SPTLC2: variants seen among roughly 807,000 people sequenced by gnomAD.
The protein encoded by SPTLC2 is serine palmitoyltransferase 2.
A neutral mutation model predicts 62.0 loss-of-function variants in SPTLC2; 21 were observed. The ratio of observed to expected loss-of-function variants is 0.34; its 90% CI spans 0.24 to 0.49. SPTLC2 has a LOEUF of 0.49. Ranked by LOEUF, SPTLC2 falls within the 20% of genes least tolerant of loss-of-function variation. SPTLC2 has a pLI of 0.99. For synonymous variants in SPTLC2, 261 were observed against 261.8 expected (o/e 1.00, Z 0.03); for missense variants, 511 against 713.0 (o/e 0.72, Z 3.23).
At chr14:77,536,455 G>A (rs1435969197) in intron 9 of SPTLC2, among the ~76,000 whole-genome samples, 2 of 151,328 alleles carry the variant, frequency 1.3e-5, no homozygotes, top group Non-Finnish European at 2.9e-5. Context: ...TATATATCAC[G>A]TGCCATAAAA....
At chr14:77,522,838 CA>C (rs1346802951) in intron 9 of SPTLC2, among the ~76,000 whole-genome samples, 1 of 152,168 alleles carries the variant, frequency 6.6e-6, no homozygotes, top group African/African-American at 2.4e-5. Flanking sequence ...AAGCATGATA[CA>C]TGACATAAGT....
At chr14:77,580,016 T>G (rs970734253) in intron 2 of SPTLC2, among the ~76,000 whole-genome samples, 2 of 151,924 alleles carry the variant, frequency 1.3e-5, no homozygotes, top group African/African-American at 4.8e-5. Context: ...CCCACAAGCC[T>G]CCTCCCACAT....
chr14:77,588,620 T>C (rs535473750), intron 2 of SPTLC2, among the ~76,000 whole-genome samples: 1 of 149,460 alleles, frequency 6.7e-6, no homozygotes, highest in Non-Finnish European at 1.5e-5. Flanking sequence ...CACTGGAGCG[T>C]GGGAGGCAAA....
intron 6 of SPTLC2, among the ~76,000 whole-genome samples, chr14:77,557,832 T>C (rs2079593142): frequency 6.6e-6 from 1 of 152,182 alleles, no homozygotes; most frequent in Non-Finnish European, 1.5e-5. Context: ...TTATGGTGGT[T>C]AATGGGCCTG....
In SPTLC2 at chr14:77,509,858, C is replaced by A. The variant is rs1322577670; in HGVS notation, c.*2426G>T. On this transcript the variant is annotated 3_prime_UTR_variant, in exon 12 of 12. Transcript: ENST00000216484. ...AAACTTGTAACAAAATTACACTTAT[C>A]TTGAAATAACTTTGTACCAACAAAG... 1 of 398,362 alleles carries A rather than the reference C, an allele frequency of 2.5e-6. No individual in the cohort carries two copies. The highest frequency in any genetic ancestry group is 4.4e-6 in the Non-Finnish European group (1 of 225,934). 24.7% of individuals were successfully genotyped at this position (398,362 alleles called of 1,614,324 possible).
At chr14:77,595,850 A>T (rs2079844043) in intron 2 of SPTLC2, among the ~76,000 whole-genome samples, 1 of 152,148 alleles carries the variant, frequency 6.6e-6, no homozygotes, top group African/African-American at 2.4e-5. Flanking sequence ...GTCCTTCTCT[A>T]ATCTGGTACA....
At chr14:77,605,786 A>T (rs1268861155) in intron 1 of SPTLC2, among the ~76,000 whole-genome samples, 1 of 152,180 alleles carries the variant, frequency 6.6e-6, no homozygotes, top group Admixed American at 6.5e-5. Context: ...GAACTAGAAA[A>T]CCAAAGTGAA....
rs141294295 is a variant in SPTLC2 at position 77,575,286 on chromosome 14, C to A, written c.631+1481G>T. Among the ~76,000 whole-genome samples the A allele has an allele frequency of 2.5e-3, 376 of 152,236 alleles. 1 individual carries two copies. Among genetic ancestry groups the A allele is most frequent in the African/African-American group, 8.5e-3 (352 of 41,542 alleles). ...AAATAAATAGATATAAAAATCTGCA[C>A]AATTTTATTTTTTTCCCTGTCTTCA... is the stretch of plus-strand genomic sequence containing the variant. On this transcript the variant is annotated intron_variant, in intron 4 of 11. Transcript: ENST00000216484.
intron 11 of SPTLC2, among the ~76,000 whole-genome samples, chr14:77,515,044 G>A (rs2079351821): frequency 6.6e-6 from 1 of 152,140 alleles, no homozygotes; most frequent in African/African-American, 2.4e-5. Context: ...GACTGGTCTT[G>A]GCTCCCTTGT....
At chr14:77,609,720 T>A (rs1317903109) in intron 1 of SPTLC2, among the ~76,000 whole-genome samples, 1 of 151,608 alleles carries the variant, frequency 6.6e-6, no homozygotes, top group Admixed American at 6.6e-5. Flanking sequence ...GGAGTGAGAC[T>A]CTGTCTCAAA....
chr14:77,569,158 T>C (rs2079663446), intron 5 of SPTLC2, among the ~76,000 whole-genome samples: 2 of 152,254 alleles, frequency 1.3e-5, no homozygotes, highest in Admixed American at 6.5e-5. Context: ...GAAATCTTTG[T>C]TTATATTAAT....
chr14:77,548,037 C>A (rs1169370681), intron 9 of SPTLC2, among the ~76,000 whole-genome samples: 2 of 152,048 alleles, frequency 1.3e-5, no homozygotes, highest in Non-Finnish European at 2.9e-5. Flanking sequence ...TCAATCTGCT[C>A]AGGGTAGTCT....
intron 1 of SPTLC2, among the ~76,000 whole-genome samples, chr14:77,615,874 G>A (rs1402956723): frequency 1.3e-5 from 2 of 152,306 alleles, no homozygotes; most frequent in Admixed American, 1.3e-4. Context: ...TGATGCTTTC[G>A]AGGGACCAGC....
intron 9 of SPTLC2, among the ~76,000 whole-genome samples, chr14:77,537,977 C>T (rs2079479632): frequency 6.6e-6 from 1 of 152,166 alleles, no homozygotes. Context: ...ATGAAATGAA[C>T]GACTATCTTA....
chr14:77,549,538 A>C (rs1202908525), intron 9 of SPTLC2, among the ~76,000 whole-genome samples: 1 of 152,148 alleles, frequency 6.6e-6, no homozygotes, highest in Non-Finnish European at 1.5e-5. Context: ...TGTGAGTGGA[A>C]AAGCTTCCAG....
intron 5 of SPTLC2, among the ~76,000 whole-genome samples, chr14:77,565,407 G>A (rs955158128): frequency 7.2e-5 from 11 of 152,160 alleles, no homozygotes; most frequent in Non-Finnish European, 1.6e-4. Context: ...GAGAAAAGCA[G>A]TAAGTTGGTA....
At chr14:77,566,739 C>A (rs547924160) in intron 5 of SPTLC2, among the ~76,000 whole-genome samples, 3 of 152,252 alleles carry the variant, frequency 2.0e-5, no homozygotes, top group African/African-American at 7.2e-5. Context: ...GGATTACAGG[C>A]GTGAGCCACC....
rs1239446611 is a variant in SPTLC2 at position 77,509,156 on chromosome 14, G to C, written c.*3128C>G. 6.6e-6 allele frequency: 1 copy of C among 152,116 alleles called. No homozygotes were observed. Among genetic ancestry groups the C allele is most frequent in the Non-Finnish European group, 1.5e-5 (1 of 68,028 alleles). The allele number at this position is 152,116 out of a possible 1,614,324, so 9.4% of individuals were successfully genotyped here. On this transcript the variant is annotated 3_prime_UTR_variant, in exon 12 of 12. Coordinates refer to ENST00000216484, the MANE Select transcript of SPTLC2 (RefSeq NM_004863.4). Reference sequence around the variant, plus strand: ...TTTACGATAGTGACTAAAGCACTACGATGGCTGGATTCTTCAAACAAATAA... The same window carrying C: ...TTTACGATAGTGACTAAAGCACTACCATGGCTGGATTCTTCAAACAAATAA...
chr14:77,516,906 A>G (rs1278864369), intron 11 of SPTLC2, among the ~76,000 whole-genome samples: 7 of 152,248 alleles, frequency 4.6e-5, no homozygotes, highest in Admixed American at 1.3e-4. Context: ...ATGTCCATCA[A>G]ATTGTTATAA....
Sources: gnomAD v4.1 joint callset for allele counts (sites outside exome capture counted in the v4.1 genomes callset) on GRCh38, gnomAD v4.1.1 for gene constraint, MANE v1.5 for transcripts, NCBI Gene and HGNC (gene_info 2026-07-23, HGNC 2026-07-21) for gene names.